WDR25: variants seen among roughly 807,000 people sequenced by gnomAD.
WDR25 encodes the protein WD repeat domain 25, also known as WD repeat-containing protein 25.
A neutral mutation model predicts 47.7 loss-of-function variants in WDR25; 35 were observed. The ratio of observed to expected loss-of-function variants is 0.73; its 90% confidence interval spans 0.56 to 0.97. WDR25 has a LOEUF of 0.97. Ranked by LOEUF, WDR25 falls within the 50% of genes least tolerant of loss-of-function variation. WDR25 has a pLI of 0.00. For synonymous variants in WDR25, 248 were observed against 278.9 expected, an observed-to-expected ratio of 0.89 and a Z score of 1.10; for missense variants, 634 against 704.7, an observed-to-expected ratio of 0.90 and a Z score of 1.14.
intron 4 of WDR25, among the ~76,000 whole-genome samples, chr14:100,501,449 A>G (rs1900920425): frequency 6.6e-6 from 1 of 152,206 alleles, no homozygotes; most frequent in African/African-American, 2.4e-5. Flanking sequence ...GCCAGACAGC[A>G]TACCTGGCCA....
rs778357772 is a variant in WDR25, at chr14:100,380,975, T to C, written c.51T>C (p.Asp17=). The change falls in exon 2 of 7, where the codon GAT becomes GAC. Residue 17 remains aspartate, a synonymous_variant. Coordinates refer to ENST00000402312, the MANE Select transcript of WDR25 (RefSeq NM_001161476.3). ...SLMASLVAYD[D]SDSEAETEHA... ...TGGCTTCATTGGTAGCGTATGATGA[T>C]TCGGACTCGGAGGCTGAGACAGAGC... The C allele has an allele frequency of 3.1e-6, 5 of 1,614,218 alleles. No individual in the cohort carries two copies. In the South Asian group the frequency reaches 5.5e-5, roughly 18 times the overall value.
intron 2 of WDR25, among the ~76,000 whole-genome samples, chr14:100,434,748 T>C (rs1255359249): frequency 6.6e-6 from 1 of 152,196 alleles, no homozygotes; most frequent in African/African-American, 2.4e-5. Flanking sequence ...CTTTTTCCTC[T>C]CTACCCAGCT....
intron 4 of WDR25, among the ~76,000 whole-genome samples, chr14:100,492,364 G>A (rs1900594263): frequency 6.6e-6 from 1 of 152,116 alleles, no homozygotes. Context: ...ACTTTCACTG[G>A]GACTGTGTAA....
rs1006760777 is a variant in WDR25 at position 100,404,545 on chromosome 14, G to A, written c.822+22799G>A. Among the ~76,000 whole-genome samples the A allele has an allele frequency of 2.6e-5, 4 of 152,190 alleles. No homozygotes were observed. The highest frequency in any genetic ancestry group is 4.8e-5 in the African/African-American group (2 of 41,444). On this transcript the variant is annotated intron_variant, in intron 2 of 6. Transcript: ENST00000402312. This position sits in a 1 kb window ranked among gnomAD's most constrained non-coding sequence, Gnocchi z 4.6. ...ACAGGGGCCCCTACCTGTGGGCTGC[G>A]TGGGCCAGGAGGGTCAGCAGGCCCT...
intron 2 of WDR25, 43 bp from the exon 3 acceptor site, chr14:100,467,978 G>A (rs1324380772): frequency 1.2e-6 from 2 of 1,609,860 alleles, no homozygotes; most frequent in African/African-American, 2.7e-5. Flanking sequence ...CTGGAGATCA[G>A]GCCCTTGTTG....
At chr14:100,399,241 A>G (rs891779863) in intron 2 of WDR25, among the ~76,000 whole-genome samples, 4 of 152,078 alleles carry the variant, frequency 2.6e-5, no homozygotes, top group Non-Finnish European at 4.4e-5. Flanking sequence ...GTGTGTCTTG[A>G]GGCAGTAACT....
intron 3 of WDR25, among the ~76,000 whole-genome samples, chr14:100,479,126 T>A (rs1300114527): frequency 6.6e-6 from 1 of 151,764 alleles, no homozygotes; most frequent in Non-Finnish European, 1.5e-5. Context: ...TGTCTAGGGG[T>A]TGTGATGGTG....
intron 4 of WDR25, among the ~76,000 whole-genome samples, chr14:100,511,207 C>T (rs995540433): frequency 6.6e-6 from 1 of 152,124 alleles, no homozygotes; most frequent in Admixed American, 6.6e-5. Flanking sequence ...ATTTTTCTCA[C>T]CAATGTTTTG....
At chr14:100,408,925 T>C (rs1897625896) in intron 2 of WDR25, among the ~76,000 whole-genome samples, 2 of 152,370 alleles carry the variant, frequency 1.3e-5, no homozygotes, top group South Asian at 2.1e-4. Context: ...TGAATTATTT[T>C]TCCATTACAG....
rs1475257471 is a variant in WDR25, at chr14:100,484,120, G to T, written c.1097G>T (p.Gly366Val). The change falls in exon 4 of 7, where the codon GGC (glycine) becomes GTC (valine). Residue 366 changes from glycine (G) to valine (V), a missense_variant. By Grantham distance (109) the Gly-to-Val change is moderately radical. Transcript: ENST00000402312. ...SEMKAWDIRTGKVMRSYKATI... is the reference protein window; with the variant it reads ...SEMKAWDIRTVKVMRSYKATI... ...ATGAAAGCTTGGGATATAAGGACTG[G>T]CAAGGTAATAGCCATATTCCTAACT... 6.2e-7 allele frequency: 1 copy of T among 1,612,034 alleles called. No homozygotes were observed. The highest frequency in any genetic ancestry group is 8.5e-7 in the Non-Finnish European group (1 of 1,179,462).
chr14:100,457,539 A>G (rs948236020), intron 2 of WDR25, among the ~76,000 whole-genome samples: 2 of 152,240 alleles, frequency 1.3e-5, no homozygotes, highest in African/African-American at 4.8e-5. Flanking sequence ...GCCGTCAGCA[A>G]ACTTGCGCTA....
intron 2 of WDR25, among the ~76,000 whole-genome samples, chr14:100,438,596 C>G (rs547188636): frequency 6.6e-6 from 1 of 152,276 alleles, no homozygotes; most frequent in African/African-American, 2.4e-5. Flanking sequence ...GGGAGCTGAG[C>G]CAGAGGAGGT....
intron 2 of WDR25, among the ~76,000 whole-genome samples, chr14:100,453,319 G>T (rs1390602359): frequency 6.6e-6 from 1 of 152,190 alleles, no homozygotes; most frequent in Non-Finnish European, 1.5e-5. Flanking sequence ...CCTTGGTCCA[G>T]GTGCCTGCCC....
intron 2 of WDR25, among the ~76,000 whole-genome samples, chr14:100,459,563 G>C (rs1899308389): frequency 6.6e-6 from 1 of 152,042 alleles, no homozygotes; most frequent in South Asian, 2.1e-4. Flanking sequence ...TCATGACTGA[G>C]GTAATCAAGT....
intron 2 of WDR25, among the ~76,000 whole-genome samples, chr14:100,385,922 A>G (rs1024039406): frequency 1.3e-5 from 2 of 152,126 alleles, no homozygotes; most frequent in African/African-American, 4.8e-5. Context: ...GAATGCTCCC[A>G]TGTACAGAAC....
intron 4 of WDR25, among the ~76,000 whole-genome samples, chr14:100,510,678 G>C (rs1901279797): frequency 6.6e-6 from 1 of 151,880 alleles, no homozygotes. Context: ...GGAGGTTGCA[G>C]TGAGCCGAGA....
chr14:100,447,179 G>A (rs116131074), intron 2 of WDR25, among the ~76,000 whole-genome samples: 2,512 of 152,322 alleles, frequency 0.016, 77 homozygotes, highest in African/African-American at 0.056. Flanking sequence ...CCAGGTTTGC[G>A]CGTGAGCTTG....
rs1566886964 is a variant in WDR25, at chr14:100,392,335, GT to G, written c.822+10590del. On this transcript the variant is annotated intron_variant, in intron 2 of 6. Coordinates refer to ENST00000402312, the MANE Select transcript of WDR25 (RefSeq NM_001161476.3). The surrounding 1 kb of genome is among the most constrained non-coding windows in gnomAD (Gnocchi z 4.2). ...CACATCCTAGTTCTGGGATAAGTGA[GT>G]GGGTTCTTTTCCAGCCACGTCTCTG... Among the ~76,000 whole-genome samples, 3 of 151,886 alleles carry G rather than the reference GT, an allele frequency of 2.0e-5. No homozygotes were observed. In the East Asian group the frequency reaches 5.9e-4, roughly 30 times the overall value.
At position 100,498,212 on chromosome 14, in the gene WDR25, C is replaced by T. The variant is rs11623078; in HGVS notation, c.1101+14088C>T. Among the ~76,000 whole-genome samples, 64,297 of 152,060 alleles carry T rather than the reference C, an allele frequency of 0.42. 14,018 individuals are homozygous for T. The highest frequency in any genetic ancestry group is 0.64 in the East Asian group (3,282 of 5,150). On this transcript the variant is annotated intron_variant, in intron 4 of 6. Transcript: ENST00000402312. The surrounding 1 kb of genome is among the most constrained non-coding windows in gnomAD (Gnocchi z 4.2). ...TCCTGGCAGCCACAGCCTTTTCTCA[C>T]ACCCCTGAGGGAAGACTGCTTGGTG...
Sources: gnomAD v4.1 joint callset for allele counts (sites outside exome capture counted in the v4.1 genomes callset) on GRCh38, gnomAD v4.1.1 for gene constraint, Gnocchi (gnomAD v3.1) non-coding constraint, MANE v1.5 for transcripts, NCBI Gene and HGNC (gene_info 2026-07-23, HGNC 2026-07-21) for gene names.